PAWR: variants seen among roughly 807,000 people sequenced by gnomAD.
PAWR encodes pro-apoptotic WT1 regulator, also known as PRKC apoptosis WT1 regulator protein.
Under a neutral mutation model 32.0 loss-of-function variants are expected in PAWR, and 23 were observed. The observed-to-expected ratio is 0.72, with a 90% CI of 0.52 to 1.02. The LOEUF (loss-of-function observed/expected upper bound fraction) is 1.02. Among genes scored for constraint, PAWR ranks in the 50% least tolerant of loss-of-function variants. The pLI, the probability that PAWR is intolerant of heterozygous loss-of-function variation, is 0.00. For synonymous variants in PAWR, 226 were observed against 187.1 expected, an observed-to-expected ratio of 1.21 and a Z score of -1.70; for missense variants, 457 against 437.7, an observed-to-expected ratio of 1.04 and a Z score of -0.39.
At chr12:79,639,307 CTCTT>C (rs1452674430) in intron 2 of PAWR, among the ~76,000 whole-genome samples, 6 of 152,012 alleles carry the variant, frequency 3.9e-5, no homozygotes, top group African/African-American at 7.3e-5. Flanking sequence ...AATACCAGTT[CTCTT>C]TCTTATTATT....
At chr12:79,595,917 G>A (rs899330649) in intron 5 of PAWR, among the ~76,000 whole-genome samples, 1 of 152,016 alleles carries the variant, frequency 6.6e-6, no homozygotes, top group African/African-American at 2.4e-5. Context: ...AGAAACTGTT[G>A]TTAAAGCTTA....
At chr12:79,666,515 T>C (rs1256684275) in intron 2 of PAWR, among the ~76,000 whole-genome samples, 1 of 152,210 alleles carries the variant, frequency 6.6e-6, no homozygotes, top group East Asian at 1.9e-4. Flanking sequence ...TTACTTGCCT[T>C]TTCTCTCCTC....
At chr12:79,675,687 G>T (rs1878129150) in intron 2 of PAWR, among the ~76,000 whole-genome samples, 1 of 152,094 alleles carries the variant, frequency 6.6e-6, no homozygotes, top group African/African-American at 2.4e-5. Context: ...TAAATATTAA[G>T]TACACATGGA....
chr12:79,659,732 A>AT (rs1416129551), intron 2 of PAWR, among the ~76,000 whole-genome samples: 3 of 152,232 alleles, frequency 2.0e-5, no homozygotes, highest in Non-Finnish European at 2.9e-5. Context: ...CCTATTAATG[A>AT]TAAAAACAAC....
chr12:79,627,126 AATGGTATTTCTAGTTCT>A (rs1251898131), intron 2 of PAWR, among the ~76,000 whole-genome samples: 1 of 152,112 alleles, frequency 6.6e-6, no homozygotes, highest in Non-Finnish European at 1.5e-5. Context: ...GGCTGGGTCA[AATGGTATTTCTAGTTCT>A]AGATCCCTGA....
chr12:79,655,887 A>ACCTTGTGGGGT (rs769320209), intron 2 of PAWR, among the ~76,000 whole-genome samples: 10 of 152,266 alleles, frequency 6.6e-5, no homozygotes, highest in Non-Finnish European at 1.2e-4. Context: ...TACAGTGTAA[A>ACCTTGTGGGGT]ATATGTGAAA....
At chr12:79,620,203 A>G (rs1874935935) in intron 3 of PAWR, among the ~76,000 whole-genome samples, 1 of 152,198 alleles carries the variant, frequency 6.6e-6, no homozygotes, top group Non-Finnish European at 1.5e-5. Context: ...AAATTTCTCT[A>G]ATATATAACT....
Position 79,585,089 on chromosome 12 carries a change from G to A in PAWR, c.*7518C>T, listed in dbSNP as rs1044753578. On this transcript the variant is annotated 3_prime_UTR_variant, in exon 7 of 7. Transcript: ENST00000328827. ...ATGGGGGTTATGTCAGGATGCCAAT[G>A]TCCATGCTGAGGCTTCTCCTGATAC... The A allele has an allele frequency of 7.0e-6, 3 of 431,090 alleles. No individual in the cohort carries two copies. The highest frequency in any genetic ancestry group is 1.4e-5 in the Non-Finnish European group (3 of 218,980). 26.7% of individuals were successfully genotyped at this position (431,090 alleles called of 1,614,324 possible).
chr12:79,665,138 T>G (rs964094976), intron 2 of PAWR, among the ~76,000 whole-genome samples: 1 of 152,202 alleles, frequency 6.6e-6, no homozygotes, highest in South Asian at 2.1e-4. Context: ...ACTCAGAAGA[T>G]TCCCAAAAAA....
Position 79,689,925 on chromosome 12 carries a change from C to A in PAWR, c.320G>T (p.Arg107Leu), listed in dbSNP as rs1377806601. The A allele has an allele frequency of 2.8e-6, 4 of 1,417,170 alleles. No individual in the cohort carries two copies. The highest frequency in any genetic ancestry group is 3.0e-5 in the East Asian group (1 of 33,632). The allele number at this position is 1,417,170 out of a possible 1,614,324, so 87.8% of individuals were successfully genotyped here. ...GGCGGCTGGGGGCTCGTCCTCCGACCGCCGCGGGCCGGGGGCCGCCCGCGT... is the reference window on the plus strand; with the variant it reads ...GGCGGCTGGGGGCTCGTCCTCCGACAGCCGCGGGCCGGGGGCCGCCCGCGT... ...MLTRAAPGPR[R>L]SEDEPPAASA... The change falls in exon 2 of 7, where the codon CGG becomes CTG. Residue 107 changes from arginine to leucine, a missense_variant. Physicochemically the swap from Arg to Leu is moderately radical, Grantham distance 102 (BLOSUM62 -2). Coordinates refer to ENST00000328827, the MANE Select transcript of PAWR (RefSeq NM_002583.4).
chr12:79,685,490 G>C (rs1878640345), intron 2 of PAWR, among the ~76,000 whole-genome samples: 1 of 152,180 alleles, frequency 6.6e-6, no homozygotes, highest in Non-Finnish European at 1.5e-5. Context: ...CTTTCTATAT[G>C]TTAAATGCTC....
chr12:79,687,281 G>C (rs1366379065), intron 2 of PAWR, among the ~76,000 whole-genome samples: 2 of 151,996 alleles, frequency 1.3e-5, no homozygotes, highest in Non-Finnish European at 2.9e-5. Context: ...GTCAATTCTG[G>C]TATCTTTAGC....
At chr12:79,652,418 A>G (rs1338958714) in intron 2 of PAWR, among the ~76,000 whole-genome samples, 22 of 152,216 alleles carry the variant, frequency 1.4e-4, no homozygotes, top group Admixed American at 1.4e-3. Flanking sequence ...AATACAGACC[A>G]CAACCTGAGA....
At chr12:79,631,336 T>C (rs1170076973) in intron 2 of PAWR, among the ~76,000 whole-genome samples, 2 of 152,110 alleles carry the variant, frequency 1.3e-5, no homozygotes, top group African/African-American at 2.4e-5. Flanking sequence ...AAGGTAAGCA[T>C]AAGAAAGAAA....
intron 2 of PAWR, chr12:79,635,763 C>G (rs1875933496): frequency 6.6e-6 from 1 of 152,160 alleles, no homozygotes; most frequent in South Asian, 2.1e-4. Flanking sequence ...AGTTTGAAAG[C>G]CACTGCTATG....
chr12:79,592,884 A>T (rs1466606620), intron 6 of PAWR, among the ~76,000 whole-genome samples, 191 bp from the exon 7 acceptor site: 1 of 151,932 alleles, frequency 6.6e-6, no homozygotes, highest in African/African-American at 2.4e-5. Flanking sequence ...CGTTCTTACA[A>T]CAAGTGTATA....
At chr12:79,607,289 T>TA (rs964680073) in intron 4 of PAWR, among the ~76,000 whole-genome samples, 9 of 150,704 alleles carry the variant, frequency 6.0e-5, no homozygotes, top group African/African-American at 1.2e-4. Flanking sequence ...ACTCTGTCTT[T>TA]AAAAAAAAAG....
chr12:79,607,861 T>C (rs568123000), intron 4 of PAWR, among the ~76,000 whole-genome samples: 61 of 152,022 alleles, frequency 4.0e-4, no homozygotes, highest in African/African-American at 1.3e-3. Flanking sequence ...GTTAAAACAA[T>C]GATCATGGTG....
chr12:79,621,068 A>ACTGTTC lies in PAWR; in HGVS notation c.648+7_648+8insGAACAG. On this transcript the variant is annotated splice_region_variant and intron_variant, in intron 3 of 6. Coordinates refer to ENST00000328827, the MANE Select transcript of PAWR (RefSeq NM_002583.4). ...GATAGTGACTTCCTGGTATTTTTAA[A>ACTGTTC]TACTCACCTGTAGCAGATAGGAACT... 6.3e-7 allele frequency: 1 copy of ACTGTTC among 1,584,648 alleles called. No individual in the cohort carries two copies. Among genetic ancestry groups the ACTGTTC allele is most frequent in the South Asian group, 1.2e-5 (1 of 86,836 alleles).
Sources: gnomAD v4.1 joint callset for allele counts (sites outside exome capture counted in the v4.1 genomes callset) on GRCh38, gnomAD v4.1.1 for gene constraint, MANE v1.5 for transcripts, NCBI Gene and HGNC (gene_info 2026-07-23, HGNC 2026-07-21) for gene names.